SORCS2: variants seen among roughly 807,000 people sequenced by gnomAD.
The protein encoded by SORCS2 is sortilin related VPS10 domain containing receptor 2, also known as VPS10 domain-containing receptor SorCS2.
In SORCS2, 100 loss-of-function variants were observed where a neutral mutation model predicts 141.6. That is an observed-to-expected ratio of 0.71 (90% CI 0.60 to 0.83). SORCS2 has a LOEUF of 0.83. SORCS2 is among the 40% of genes least tolerant of loss of function. The pLI, the probability that SORCS2 is intolerant of heterozygous loss-of-function variation, is 0.00. For missense variants in SORCS2, 1,646 were observed against 1,560.2 expected (o/e 1.05, Z -0.93); for synonymous variants, 789 against 676.9 (o/e 1.17, Z -2.57).
At chr4:7,720,081 G>A (rs1577115190) in intron 18 of SORCS2, among the ~76,000 whole-genome samples, 2 of 152,064 alleles carry the variant, frequency 1.3e-5, no homozygotes, top group Non-Finnish European at 2.9e-5. Flanking sequence ...ATGCTTACAC[G>A]CTCATGTATT....
chr4:7,464,240 G>C (rs1729477743), intron 2 of SORCS2, among the ~76,000 whole-genome samples: 1 of 152,202 alleles, frequency 6.6e-6, no homozygotes, highest in African/African-American at 2.4e-5. Flanking sequence ...CCATGAGTGA[G>C]CCCCTAACTC....
chr4:7,693,198 CCCTTTCTTCCTCATCTTCAT>C (rs869120432), intron 11 of SORCS2, among the ~76,000 whole-genome samples: 1 of 36,676 alleles, frequency 2.7e-5, no homozygotes, highest in Non-Finnish European at 5.9e-5. Flanking sequence ...CTCATCTTCA[CCCTTTCTTCCTCATCTTCAT>C]CCTTTCTTCC....
At chr4:7,621,156 G>C (rs1301082335) in intron 3 of SORCS2, among the ~76,000 whole-genome samples, 1 of 152,172 alleles carries the variant, frequency 6.6e-6, no homozygotes, top group African/African-American at 2.4e-5. Context: ...GTGTGACCAG[G>C]CCCAGCGGAG....
intron 3 of SORCS2, among the ~76,000 whole-genome samples, chr4:7,576,289 G>C (rs1004520235): frequency 6.6e-6 from 1 of 152,250 alleles, no homozygotes; most frequent in Admixed American, 6.5e-5. Flanking sequence ...TCAAAAGTCA[G>C]TAGGGATCTA....
intron 1 of SORCS2, among the ~76,000 whole-genome samples, chr4:7,317,626 C>T (rs1221328370): frequency 1.3e-5 from 2 of 152,344 alleles, no homozygotes; most frequent in East Asian, 1.9e-4. Context: ...CTTCCTGTCC[C>T]ACTGGAGGAA....
At chr4:7,324,251 A>G (rs574693618) in intron 1 of SORCS2, among the ~76,000 whole-genome samples, 15 of 152,314 alleles carry the variant, frequency 9.8e-5, no homozygotes, top group Admixed American at 2.6e-4. Flanking sequence ...GTGTCTTGCA[A>G]TGGTGGCCTA....
At chr4:7,720,584 G>A (rs1433736559) in intron 18 of SORCS2, among the ~76,000 whole-genome samples, 1 of 152,204 alleles carries the variant, frequency 6.6e-6, no homozygotes, top group Non-Finnish European at 1.5e-5. Flanking sequence ...CAGAGTGAGA[G>A]AAAGTATTTG....
intron 1 of SORCS2, among the ~76,000 whole-genome samples, chr4:7,207,064 C>T (rs891095842): frequency 5.9e-5 from 9 of 152,166 alleles, no homozygotes; most frequent in African/African-American, 1.4e-4. Context: ...CCACTGCTAA[C>T]GTGCTCATCC....
At chr4:7,705,905 G>A (rs1436794939) in intron 14 of SORCS2, among the ~76,000 whole-genome samples, 2 of 152,262 alleles carry the variant, frequency 1.3e-5, no homozygotes, top group African/African-American at 4.8e-5. Context: ...AGGAGGCCAC[G>A]GGAGGACAGC....
At position 7,365,137 on chromosome 4, in the gene SORCS2, A is replaced by G. The variant is rs79524650; in HGVS notation, c.481-31151A>G. On this transcript the variant is annotated intron_variant, in intron 1 of 26. Coordinates refer to ENST00000507866, the MANE Select transcript of SORCS2 (RefSeq NM_020777.3). Reference sequence around the variant, plus strand: ...TATTGTTAGAGAGCTGAGTGGGTCCAGGCAGTTGGGGCTTTGCCAGCTGTG... The same window carrying G: ...TATTGTTAGAGAGCTGAGTGGGTCCGGGCAGTTGGGGCTTTGCCAGCTGTG... Among the ~76,000 whole-genome samples, 1,397 of 152,336 alleles carry G rather than the reference A, an allele frequency of 9.2e-3. 27 individuals carry two copies. Among genetic ancestry groups the G allele is most frequent in the African/African-American group, 0.032 (1,334 of 41,588 alleles).
rs35236907 is a variant in SORCS2 at position 7,297,086 on chromosome 4, T to TGG, written c.481-99196_481-99195dup. ...AGTTGACCTCTCTCCTCAGAGTGCC[T>TGG]GGGGGGGTCCTCCCCACCTCCCCTG... On this transcript the variant is annotated intron_variant, in intron 1 of 26. Coordinates refer to ENST00000507866, the MANE Select transcript of SORCS2 (RefSeq NM_020777.3). 2.7e-3 allele frequency among the ~76,000 whole-genome samples: 405 copies of TGG among 151,968 alleles called. 3 individuals are homozygous for TGG. The highest frequency in any genetic ancestry group is 4.0e-3 in the Non-Finnish European group (274 of 67,922).
intron 3 of SORCS2, among the ~76,000 whole-genome samples, chr4:7,568,840 G>A (rs1386433386): frequency 1.3e-5 from 2 of 152,224 alleles, no homozygotes; most frequent in East Asian, 1.9e-4. Context: ...GACTGATCTA[G>A]TTCATCTCTT....
rs545104180 is a variant in SORCS2, at chr4:7,724,012, G to A, written c.2611+129G>A. On this transcript the variant is annotated intron_variant, in intron 19 of 26. Coordinates refer to ENST00000507866, the MANE Select transcript of SORCS2 (RefSeq NM_020777.3). ...GGTACTCAGGACGGTGAACCCGAGG[G>A]CAGGGAGGCAGGGAGGCTGGGCTCA... is the stretch of plus-strand genomic sequence containing the variant. The A allele has an allele frequency of 4.4e-5, 46 of 1,054,128 alleles. No individual in the cohort carries two copies. The African/African-American group carries it at 7.2e-4, about 17-fold the overall frequency. 65.3% of individuals were successfully genotyped at this position (1,054,128 alleles called of 1,614,324 possible). A position where few individuals can be genotyped will look rare whatever the true frequency, so the allele number is the denominator to read the frequency against.
chr4:7,655,693 T>C (rs973143557), intron 5 of SORCS2, among the ~76,000 whole-genome samples: 3 of 152,248 alleles, frequency 2.0e-5, no homozygotes, highest in East Asian at 3.9e-4. Context: ...CATCCATCAC[T>C]GGCCTTGTCA....
intron 1 of SORCS2, among the ~76,000 whole-genome samples, chr4:7,223,816 C>G (rs11934579): frequency 0.47 from 71,099 of 151,908 alleles, 16,664 homozygotes; most frequent in East Asian, 0.53. Context: ...GTGCAGTTAT[C>G]CACCCCTGGA....
intron 1 of SORCS2, among the ~76,000 whole-genome samples, chr4:7,369,353 T>C (rs547069462): frequency 6.6e-5 from 10 of 152,270 alleles, no homozygotes; most frequent in Non-Finnish European, 1.3e-4. Flanking sequence ...CTTTCTTTTA[T>C]AGATTGCTCA....
At chr4:7,542,669 C>T (rs1212883181) in intron 3 of SORCS2, among the ~76,000 whole-genome samples, 4 of 152,230 alleles carry the variant, frequency 2.6e-5, no homozygotes, top group Non-Finnish European at 5.9e-5. Flanking sequence ...TGTTTGAAGG[C>T]ACCAGTGTGT....
At chr4:7,726,245 C>T (rs1262643620) in intron 20 of SORCS2, among the ~76,000 whole-genome samples, 1 of 152,184 alleles carries the variant, frequency 6.6e-6, no homozygotes, top group Non-Finnish European at 1.5e-5. Flanking sequence ...GCCCGGCAGC[C>T]ACATCAGGCC....
At chr4:7,609,050 A>C (rs1320601037) in intron 3 of SORCS2, among the ~76,000 whole-genome samples, 2 of 152,094 alleles carry the variant, frequency 1.3e-5, no homozygotes, top group African/African-American at 4.8e-5. Flanking sequence ...AGTCTCAGGC[A>C]GTCCCACTAA....
Sources: gnomAD v4.1 joint callset for allele counts (sites outside exome capture counted in the v4.1 genomes callset) on GRCh38, gnomAD v4.1.1 for gene constraint, MANE v1.5 for transcripts, NCBI Gene and HGNC (gene_info 2026-07-23, HGNC 2026-07-21) for gene names.